Variants in SPAG9 observed in about 807,000 individuals in gnomAD.
SPAG9 encodes sperm associated antigen 9.
A neutral mutation model predicts 166.5 loss-of-function variants in SPAG9; 35 were observed. The observed-to-expected ratio is 0.21, with a 90% CI of 0.16 to 0.28. SPAG9 has a LOEUF of 0.28. Ranked by LOEUF, SPAG9 falls within the 10% of genes least tolerant of loss-of-function variation. SPAG9 has a pLI of 1.00. For synonymous variants in SPAG9, 534 were observed against 565.5 expected (o/e 0.94, Z 0.79); for missense variants, 1,235 against 1,603.3 (o/e 0.77, Z 3.92).
chr17:51,020,426 T>C (rs758021553), intron 7 of SPAG9, among the ~76,000 whole-genome samples, 168 bp from the exon 8 acceptor site: 1 of 152,206 alleles, frequency 6.6e-6, no homozygotes, highest in Non-Finnish European at 1.5e-5. Flanking sequence ...CATATTCAGT[T>C]AACAGATTGT....
Position 50,998,606 on chromosome 17 carries a change from A to G in SPAG9, c.1676T>C (p.Leu559Pro). ...RSSIWQFFSRLFSSSSNTTKK... is the reference protein window; with the variant it reads ...RSSIWQFFSRPFSSSSNTTKK... ...AGTCGTGTTACTTGAGGAGCTGAAA[A>G]GTCGGCTGAAACTAAAAGAAGACAG... The change falls in exon 15 of 30, where the codon CTT (leucine) becomes CCT (proline). Residue 559 changes from leucine to proline, a missense_variant. Leu to Pro is a moderately conservative substitution (Grantham distance 98, BLOSUM62 -3). Transcript: ENST00000262013. The G allele has an allele frequency of 6.2e-7, 1 of 1,614,088 alleles. No homozygotes were observed. Among genetic ancestry groups the G allele is most frequent in the Non-Finnish European group, 8.5e-7 (1 of 1,179,976 alleles).
At chr17:50,978,192 A>C (rs958327247) in intron 26 of SPAG9, among the ~76,000 whole-genome samples, 1 of 152,240 alleles carries the variant, frequency 6.6e-6, no homozygotes, top group African/African-American at 2.4e-5. Flanking sequence ...ACTAGTACTC[A>C]TAAGTTCTAC....
rs35028363 is a variant in SPAG9, at chr17:51,047,384, C to T, written c.581G>A (p.Ser194Asn). ...GSDQLESTAH[S>N]RIRKERPISL... Reference sequence around the variant, plus strand: ...ATATAACAAAGCTTACCTAATTCTACTATGAGCTGTGGATTCTAGTTGATC... The same window carrying T: ...ATATAACAAAGCTTACCTAATTCTATTATGAGCTGTGGATTCTAGTTGATC... The change falls in exon 4 of 30, where the codon AGT (serine) becomes AAT (asparagine). Residue 194 changes from serine (S) to asparagine (N), a missense_variant. This residue lies in a region of SPAG9 where 288 missense variants were observed against 323.7 expected (regional missense o/e 0.89). Transcript: ENST00000262013. 5.8e-5 allele frequency: 91 copies of T among 1,557,654 alleles called. No homozygotes were observed. The African/African-American group carries it at 1.1e-3, about 20-fold the overall frequency.
intron 19 of SPAG9, among the ~76,000 whole-genome samples, chr17:50,992,088 A>G (rs1975617060): frequency 6.6e-6 from 1 of 151,424 alleles, no homozygotes; most frequent in African/African-American, 2.4e-5. Flanking sequence ...AGGTCTCACT[A>G]TATTGCCCAG....
At chr17:51,019,508 G>A (rs2045846081) in intron 8 of SPAG9, among the ~76,000 whole-genome samples, 1 of 152,170 alleles carries the variant, frequency 6.6e-6, no homozygotes, top group South Asian at 2.1e-4. Flanking sequence ...AGTGAGCTGA[G>A]ATTGCACCAC....
chr17:51,063,965 A>G (rs1249499032), intron 2 of SPAG9, among the ~76,000 whole-genome samples: 1 of 152,218 alleles, frequency 6.6e-6, no homozygotes, highest in African/African-American at 2.4e-5. Flanking sequence ...AAATAAAAGC[A>G]GACAAAAAAT....
At chr17:51,088,961 C>T (rs1198226063) in intron 1 of SPAG9, among the ~76,000 whole-genome samples, 1 of 151,700 alleles carries the variant, frequency 6.6e-6, no homozygotes, top group East Asian at 1.9e-4. Context: ...GGCGAGGTGG[C>T]ACCCGCCTGT....
At chr17:50,973,810 C>G (rs1974000640) in intron 28 of SPAG9, among the ~76,000 whole-genome samples, 2 of 152,174 alleles carry the variant, frequency 1.3e-5, no homozygotes. Flanking sequence ...TGCCTCCAGA[C>G]TGCTTTCAGA....
chr17:51,084,496 C>T (rs942129992), intron 1 of SPAG9, among the ~76,000 whole-genome samples: 4 of 152,028 alleles, frequency 2.6e-5, no homozygotes, highest in Admixed American at 2.0e-4. Context: ...TCAAGCAATA[C>T]TCCTGCCTCC....
At chr17:51,083,817 T>C (rs1181273589) in intron 1 of SPAG9, among the ~76,000 whole-genome samples, 3 of 152,062 alleles carry the variant, frequency 2.0e-5, no homozygotes, top group Admixed American at 6.6e-5. Flanking sequence ...GATCCATCTA[T>C]GAACCATATT....
At chr17:51,063,766 C>T (rs960626442) in intron 2 of SPAG9, among the ~76,000 whole-genome samples, 4 of 151,996 alleles carry the variant, frequency 2.6e-5, no homozygotes, top group African/African-American at 7.3e-5. Context: ...CCTGTAATCC[C>T]AGCTACTTGG....
At chr17:50,966,857 T>C (rs16949540) in intron 29 of SPAG9, among the ~76,000 whole-genome samples, 1,779 of 152,310 alleles carry the variant, frequency 0.012, 44 homozygotes, top group African/African-American at 0.041. Flanking sequence ...TGTTCTCCAA[T>C]TGAAGATAAT....
At chr17:51,045,773 A>T (rs1361693444) in intron 4 of SPAG9, among the ~76,000 whole-genome samples, 1 of 152,166 alleles carries the variant, frequency 6.6e-6, no homozygotes, top group Non-Finnish European at 1.5e-5. Flanking sequence ...GTGTAAGTAG[A>T]GTGAGCAACA....
intron 15 of SPAG9, among the ~76,000 whole-genome samples, 192 bp downstream of exon 15, chr17:50,998,252 G>C (rs997420014): frequency 1.3e-5 from 2 of 151,748 alleles, no homozygotes; most frequent in Admixed American, 6.6e-5. Flanking sequence ...GACTGGTCTC[G>C]AACTCCTGAC....
At chr17:51,119,276 T>G (rs1436837957) in intron 1 of SPAG9, among the ~76,000 whole-genome samples, 1 of 152,206 alleles carries the variant, frequency 6.6e-6, no homozygotes, top group Non-Finnish European at 1.5e-5. Context: ...CTTCAAGTCT[T>G]TTTGAAAAAT....
At chr17:51,075,406 C>T (rs1450576129) in intron 2 of SPAG9, among the ~76,000 whole-genome samples, 2 of 151,936 alleles carry the variant, frequency 1.3e-5, no homozygotes, top group Non-Finnish European at 2.9e-5. Context: ...GAGTGTGAGA[C>T]ATTTTAAAGG....
In SPAG9 at chr17:50,989,850, C is replaced by T. The variant is rs779621644; in HGVS notation, c.2640G>A (p.Glu880=). The part of the protein sequence containing the change: ...KPPEMEAENS[E]VDENVPTAEE... Reference sequence around the variant, plus strand: ...CTGCTGTTGGAACATTTTCATCAACCTCACTATTTTCTGCTTCCATTTCTA... The same window carrying T: ...CTGCTGTTGGAACATTTTCATCAACTTCACTATTTTCTGCTTCCATTTCTA... Residue 880 remains glutamate, a synonymous_variant, in exon 21 of 30, where the codon GAG becomes GAA. Coordinates refer to ENST00000262013, the MANE Select transcript of SPAG9 (RefSeq NM_001130528.3). 2 of 1,614,040 alleles carry T rather than the reference C, an allele frequency of 1.2e-6. No homozygotes were observed. Among genetic ancestry groups the T allele is most frequent in the Non-Finnish European group, 8.5e-7 (1 of 1,179,968 alleles).
rs142604711 is a variant in SPAG9 at position 51,035,890 on chromosome 17, T to C, written c.742-4168A>G. On this transcript the variant is annotated intron_variant, in intron 5 of 29. Transcript: ENST00000262013. ...TGGAGTACATATGTATACACATGCA[T>C]ACATGTGTGTGCATGTTCTATGCCA... Among the ~76,000 whole-genome samples, 14 of 152,356 alleles carry C rather than the reference T, an allele frequency of 9.2e-5. 1 individual carries two copies. Among genetic ancestry groups the C allele is most frequent in the African/African-American group, 3.1e-4 (13 of 41,582 alleles).
intron 2 of SPAG9, among the ~76,000 whole-genome samples, chr17:51,068,126 CT>C (rs1234507772): frequency 1.3e-5 from 2 of 152,216 alleles, no homozygotes; most frequent in African/African-American, 2.4e-5. Flanking sequence ...GATAGTCCAA[CT>C]GTTGCTGGGC....
Sources: allele counts gnomAD v4.1 joint callset (sites outside exome capture counted in the v4.1 genomes callset), GRCh38; gene constraint gnomAD v4.1.1; regional missense constraint gnomAD v4.1.1; transcripts MANE v1.5; gene names NCBI Gene and HGNC (gene_info 2026-07-23, HGNC 2026-07-21).